DOCK11: variants seen among roughly 807,000 people sequenced by gnomAD.
DOCK11 encodes dedicator of cytokinesis protein 11.
In DOCK11, 70 loss-of-function variants were observed where a neutral mutation model predicts 169.1. The observed-to-expected ratio is 0.41, with a 90% CI of 0.34 to 0.51. The LOEUF (loss-of-function observed/expected upper bound fraction) is 0.51. Ranked by LOEUF, DOCK11 falls within the 20% of genes least tolerant of loss-of-function variation. The pLI is 0.10. For synonymous variants in DOCK11, 529 were observed against 541.3 expected (o/e 0.98, Z 0.32); for missense variants, 1,166 against 1,538.8 (o/e 0.76, Z 4.05).
At chrX:118,658,862 G>A (rs148996168) in intron 44 of DOCK11, among the ~76,000 whole-genome samples, 6,149 of 111,670 alleles carry the variant, frequency 0.055, 186 homozygotes, top group Non-Finnish European at 0.083. Context: ...CAAGAGTCAA[G>A]TCTCTGCATT....
At chrX:118,667,370 T>C (rs775947833) in intron 45 of DOCK11, among the ~76,000 whole-genome samples, 1 of 111,095 alleles carries the variant, frequency 9.0e-6, no homozygotes, top group Non-Finnish European at 1.9e-5. Flanking sequence ...TATAATATAT[T>C]TAAAGTTCAT....
chrX:118,516,018 T>TATATATATATATATACGC (rs1269373292), intron 1 of DOCK11, among the ~76,000 whole-genome samples: 1 of 81,495 alleles, frequency 1.2e-5, no homozygotes, highest in African/African-American at 5.2e-5. Flanking sequence ...TATATATATA[T>TATATATATATATATACGC]ACATTCTTAC....
chrX:118,660,911 G>GA, intron 44 of DOCK11, among the ~76,000 whole-genome samples: 1 of 110,514 alleles, frequency 9.0e-6, no homozygotes, highest in Middle Eastern at 4.6e-3. Flanking sequence ...CTCCCTTCTT[G>GA]AAAAAGTATT....
intron 14 of DOCK11, among the ~76,000 whole-genome samples, chrX:118,581,306 G>A (rs5957030): frequency 0.028 from 3,128 of 111,360 alleles, 116 homozygotes; most frequent in African/African-American, 0.097. Flanking sequence ...GTATGTTGGT[G>A]GATGAAAGAT....
rs778128361 is a variant in DOCK11, at chrX:118,651,195, C to T, written c.4582-769C>T. Among the ~76,000 whole-genome samples the T allele has an allele frequency of 2.1e-4, 24 of 111,900 alleles. No individual in the cohort carries two copies. In the South Asian group the frequency reaches 6.3e-3, roughly 29 times the overall value. On this transcript the variant is annotated intron_variant, in intron 41 of 52. Coordinates refer to ENST00000276202, the MANE Select transcript of DOCK11 (RefSeq NM_144658.4). The stretch of plus-strand genomic sequence containing the variant: ...ATGCCTGTAATCCTAGCACTTTGGG[C>T]GGCATAAGTGGGTGGATCACTTGAG...
chrX:118,531,035 G>A (rs5909543), intron 1 of DOCK11, among the ~76,000 whole-genome samples: 53,220 of 110,468 alleles, frequency 0.48, 9,612 homozygotes, highest in African/African-American at 0.64. Flanking sequence ...GGAACCTCAA[G>A]CATTGAAAAC....
At chrX:118,677,590 T>G (rs1405678553) in intron 48 of DOCK11, among the ~76,000 whole-genome samples, 1 of 112,389 alleles carries the variant, frequency 8.9e-6, no homozygotes, top group Non-Finnish European at 1.9e-5. Context: ...ATTACCAGAG[T>G]GAAAAAGCCC....
At chrX:118,498,768 T>A (rs1333436207) in intron 1 of DOCK11, among the ~76,000 whole-genome samples, 3 of 111,935 alleles carry the variant, frequency 2.7e-5, no homozygotes, top group Non-Finnish European at 5.6e-5. Context: ...TTTTTTTATT[T>A]TTTTTTTAAG....
chrX:118,639,885 A>G (rs1171935504), intron 38 of DOCK11, among the ~76,000 whole-genome samples: 1 of 112,091 alleles, frequency 8.9e-6, no homozygotes, highest in Non-Finnish European at 1.9e-5. Flanking sequence ...TTAGGTCATG[A>G]TGTTTTCTTC....
chrX:118,520,341 T>C (rs1367488999), intron 1 of DOCK11, among the ~76,000 whole-genome samples: 1 of 112,407 alleles, frequency 8.9e-6, no homozygotes, highest in Non-Finnish European at 1.9e-5. Context: ...CTGTGTACCA[T>C]AGGCTGTCCT....
rs1556312711 is a variant in DOCK11 at position 118,619,497 on chromosome X, A to AAT, written c.3471+785_3471+786dup. On this transcript the variant is annotated intron_variant, in intron 31 of 52. Transcript: ENST00000276202. ...CTCTGTCTCAAAAAAAAAAAAAAAA[A>AAT]ATATATATATATATATAGTTTAGTT... 2.7e-3 allele frequency among the ~76,000 whole-genome samples: 244 copies of AAT among 90,801 alleles called. 2 individuals carry two copies. The highest frequency in any genetic ancestry group is 7.8e-3 in the African/African-American group (188 of 24,180). The allele number at this position is 90,801 out of a possible 115,157, so 78.8% of individuals were successfully genotyped here. A position where few individuals can be genotyped will look rare whatever the true frequency, so the allele number is the denominator to read the frequency against.
intron 19 of DOCK11, among the ~76,000 whole-genome samples, chrX:118,591,385 A>C (rs2013986769): frequency 9.0e-6 from 1 of 111,145 alleles, no homozygotes; most frequent in Non-Finnish European, 1.9e-5. Context: ...AATAGACCTA[A>C]AACGGACATT....
chrX:118,531,907 C>T (rs1023424983), intron 1 of DOCK11, among the ~76,000 whole-genome samples: 6 of 111,192 alleles, frequency 5.4e-5, no homozygotes, highest in African/African-American at 2.0e-4. Context: ...GTGAAGTCAT[C>T]GCCACAATTT....
intron 46 of DOCK11, among the ~76,000 whole-genome samples, chrX:118,673,951 T>G (rs1312767743): frequency 1.8e-5 from 2 of 111,958 alleles, no homozygotes; most frequent in African/African-American, 6.5e-5. Flanking sequence ...TGAAACTGTT[T>G]GAGCATGGTC....
chrX:118,591,207 T>G lies in DOCK11; in HGVS notation c.2139+905T>G, dbSNP rs192234483. Among the ~76,000 whole-genome samples, 41 of 111,798 alleles carry G rather than the reference T, an allele frequency of 3.7e-4. No individual in the cohort carries two copies. The East Asian group carries it at 0.01, about 28-fold the overall frequency. ...GTATGGAAGCCTTATATCCCAGCCT[T>G]AGGCCTTGCTCATTTCCTTCTCAAT... On this transcript the variant is annotated intron_variant, in intron 19 of 52. Coordinates refer to ENST00000276202, the MANE Select transcript of DOCK11 (RefSeq NM_144658.4).
Position 118,573,847 on chromosome X carries a change from G to A in DOCK11, c.1218G>A (p.Lys406=). The stretch of plus-strand genomic sequence containing the variant: ...TCAATCTTGCCTTATTTGATGTAAA[G>A]AACAATTGTAAGATTTCAGCAGACT... ...FFINLALFDV[K]NNCKISADFH... is the part of the protein sequence containing the mutation. The change falls in exon 12 of 53, where the codon AAG becomes AAA. Residue 406 remains lysine (K), a synonymous_variant. Coordinates refer to ENST00000276202, the MANE Select transcript of DOCK11 (RefSeq NM_144658.4). 1 of 1,210,527 alleles carries A rather than the reference G, an allele frequency of 8.3e-7. No homozygotes were observed. Among genetic ancestry groups the A allele is most frequent in the South Asian group, 1.8e-5 (1 of 56,745 alleles).
intron 23 of DOCK11, among the ~76,000 whole-genome samples, chrX:118,600,570 CTTACTTGTTGAGACAGACAATAAACACAT>C (rs2014306610): frequency 9.0e-6 from 1 of 111,294 alleles, no homozygotes; most frequent in African/African-American, 3.3e-5. Context: ...TGTCAAAGAG[CTTACTTGTTGAGACAGACAATAAACACAT>C]AAGTTAATAA....
chrX:118,595,873 A>G (rs1468798046), intron 20 of DOCK11, among the ~76,000 whole-genome samples: 4 of 111,402 alleles, frequency 3.6e-5, no homozygotes, highest in African/African-American at 1.3e-4. Flanking sequence ...TCCCACAGAG[A>G]CAGAAAGTAG....
intron 10 of DOCK11, among the ~76,000 whole-genome samples, chrX:118,571,342 C>G (rs2013266719): frequency 1.8e-5 from 2 of 110,564 alleles, no homozygotes; most frequent in Admixed American, 1.9e-4. Flanking sequence ...TTAGAGACCA[C>G]TGTGTTAATC....
Sources: gnomAD v4.1 joint callset for allele counts (sites outside exome capture counted in the v4.1 genomes callset) on GRCh38, gnomAD v4.1.1 for gene constraint, MANE v1.5 for transcripts, NCBI Gene and HGNC (gene_info 2026-07-23, HGNC 2026-07-21) for gene names.